The following DCC variants were observed in gnomAD, a reference collection of about 807,000 sequenced individuals.
The protein encoded by DCC is DCC netrin 1 receptor, also known as netrin receptor DCC.
A neutral mutation model predicts 172.5 loss-of-function variants in DCC; 58 were observed. The ratio of observed to expected loss-of-function variants is 0.34; its 90% CI spans 0.27 to 0.42. The LOEUF (loss-of-function observed/expected upper bound fraction) is 0.42, where lower values mean the gene tolerates loss of function less well. Ranked by LOEUF, DCC falls within the 10% of genes least tolerant of loss-of-function variation. DCC has a pLI of 1.00. For missense variants in DCC, 1,740 were observed against 1,791.0 expected (o/e 0.97, Z 0.51); for synonymous variants, 709 against 644.5 (o/e 1.10, Z -1.52).
chr18:52,548,943 T>G (rs1258506432), intron 1 of DCC, among the ~76,000 whole-genome samples: 1 of 152,150 alleles, frequency 6.6e-6, no homozygotes, highest in East Asian at 1.9e-4. Context: ...CAGATTTGAC[T>G]ATACTTGGAT....
At chr18:52,872,960 A>G (rs899097182) in intron 2 of DCC, among the ~76,000 whole-genome samples, 1 of 152,228 alleles carries the variant, frequency 6.6e-6, no homozygotes, top group Non-Finnish European at 1.5e-5. Context: ...CAGACGAACT[A>G]ATGAAAAAAG....
intron 7 of DCC, among the ~76,000 whole-genome samples, chr18:53,076,365 C>T (rs1258940409): frequency 6.6e-6 from 1 of 152,102 alleles, no homozygotes; most frequent in African/African-American, 2.4e-5. Context: ...CTATTGAGGA[C>T]ATGGTACCAT....
intron 21 of DCC, among the ~76,000 whole-genome samples, chr18:53,432,136 T>C (rs1281912023): frequency 6.6e-6 from 1 of 151,676 alleles, no homozygotes; most frequent in East Asian, 1.9e-4. Flanking sequence ...ATAAGAATAC[T>C]TTAATAATAA....
intron 26 of DCC, among the ~76,000 whole-genome samples, chr18:53,491,007 C>G (rs943499499): frequency 2.0e-5 from 3 of 152,162 alleles, no homozygotes; most frequent in African/African-American, 7.2e-5. Flanking sequence ...ACATTAGGCA[C>G]TTTCCTATTC....
chr18:53,224,151 A>T (rs2144598906), intron 12 of DCC, among the ~76,000 whole-genome samples: 1 of 152,306 alleles, frequency 6.6e-6, no homozygotes, highest in Admixed American at 6.5e-5. Context: ...CTGTGAAGAA[A>T]ATCAAGAACA....
At chr18:52,365,992 C>T (rs1025820853) in intron 1 of DCC, among the ~76,000 whole-genome samples, 1 of 152,190 alleles carries the variant, frequency 6.6e-6, no homozygotes, top group Non-Finnish European at 1.5e-5. Context: ...CTTAAGGCAT[C>T]ACGTTATGGA....
intron 1 of DCC, among the ~76,000 whole-genome samples, chr18:52,703,896 C>T (rs1039874189): frequency 6.6e-6 from 1 of 152,052 alleles, no homozygotes; most frequent in Non-Finnish European, 1.5e-5. Flanking sequence ...ACATAGGGTC[C>T]AGGGATCTGT....
At chr18:53,154,965 A>G (rs1055994742) in intron 7 of DCC, among the ~76,000 whole-genome samples, 3 of 152,330 alleles carry the variant, frequency 2.0e-5, no homozygotes, top group African/African-American at 2.4e-5. Flanking sequence ...CCACTCTGCT[A>G]TAAAAGATTG....
At chr18:53,206,468 A>G (rs936537845) in intron 10 of DCC, among the ~76,000 whole-genome samples, 5 of 133,884 alleles carry the variant, frequency 3.7e-5, no homozygotes, top group South Asian at 2.3e-4. Context: ...TGTGTTATAT[A>G]TAGTATATAT....
chr18:52,882,467 G>A (rs551021799), intron 2 of DCC, among the ~76,000 whole-genome samples: 89 of 151,392 alleles, frequency 5.9e-4, no homozygotes, highest in Middle Eastern at 6.8e-3. Flanking sequence ...TATCTCACAC[G>A]TTTTGGAATG....
intron 2 of DCC, among the ~76,000 whole-genome samples, chr18:52,821,223 C>T (rs993894492): frequency 6.6e-6 from 1 of 152,152 alleles, no homozygotes; most frequent in African/African-American, 2.4e-5. Context: ...AATGGCTCCA[C>T]TTCCCCCTTG....
At chr18:52,899,003 T>C (rs562227464) in intron 2 of DCC, among the ~76,000 whole-genome samples, 11 of 152,256 alleles carry the variant, frequency 7.2e-5, no homozygotes, top group Middle Eastern at 3.4e-3. Context: ...GTGGCTTAGA[T>C]AATATTTTCA....
intron 22 of DCC, among the ~76,000 whole-genome samples, chr18:53,440,304 C>T (rs2145128518): frequency 6.6e-6 from 1 of 152,226 alleles, no homozygotes; most frequent in Non-Finnish European, 1.5e-5. Flanking sequence ...ATTAAAAGAT[C>T]TATAAACCTC....
intron 2 of DCC, among the ~76,000 whole-genome samples, chr18:52,805,193 C>T (rs544410595): frequency 6.6e-6 from 1 of 152,284 alleles, no homozygotes; most frequent in South Asian, 2.1e-4. Flanking sequence ...TGTATAATCT[C>T]TGGCTTTCCT....
chr18:53,427,077 G>A (rs759411739), intron 21 of DCC, among the ~76,000 whole-genome samples: 44 of 152,070 alleles, frequency 2.9e-4, no homozygotes, highest in Non-Finnish European at 5.6e-4. Context: ...AGGCTTTTAT[G>A]GATCATTCCG....
intron 25 of DCC, chr18:53,480,818 C>T (rs975525294): frequency 6.6e-6 from 1 of 152,118 alleles, no homozygotes; most frequent in African/African-American, 2.4e-5. Flanking sequence ...ACAAATTACT[C>T]CCAAAATGTA....
At chr18:53,463,954 C>T (rs1013814993) in intron 24 of DCC, among the ~76,000 whole-genome samples, 2 of 152,160 alleles carry the variant, frequency 1.3e-5, no homozygotes, top group Admixed American at 6.5e-5. Flanking sequence ...TTTTATTTTA[C>T]TCATTCTTCC....
intron 1 of DCC, among the ~76,000 whole-genome samples, chr18:52,599,698 G>C (rs2033979159): frequency 6.6e-6 from 1 of 152,028 alleles, no homozygotes; most frequent in African/African-American, 2.4e-5. Flanking sequence ...ATTTTTAGTG[G>C]AGATGGGGTT....
intron 1 of DCC, among the ~76,000 whole-genome samples, chr18:52,726,917 A>G (rs1781809556): frequency 6.6e-6 from 1 of 152,222 alleles, no homozygotes; most frequent in African/African-American, 2.4e-5. Flanking sequence ...TATCATCAGT[A>G]TTAATTATAG....
Sources: allele counts gnomAD v4.1 joint callset (sites outside exome capture counted in the v4.1 genomes callset), GRCh38; gene constraint gnomAD v4.1.1; transcripts MANE v1.5; gene names NCBI Gene and HGNC (gene_info 2026-07-23, HGNC 2026-07-21).